ROR1: variants seen among roughly 807,000 people sequenced by gnomAD.
ROR1 encodes the protein ROR family WNT receptor 1, also known as inactive tyrosine-protein kinase transmembrane receptor ROR1.
In ROR1, 19 loss-of-function variants were observed where a neutral mutation model predicts 78.8. The observed-to-expected ratio is 0.24, with a 90% CI of 0.17 to 0.35. The LOEUF is 0.35. ROR1 is among the 10% of genes least tolerant of loss of function. ROR1 has a pLI of 1.00. For missense variants in ROR1, 917 were observed against 1,177.8 expected, an observed-to-expected ratio of 0.78 and a Z score of 3.24; for synonymous variants, 386 against 433.6, an observed-to-expected ratio of 0.89 and a Z score of 1.36.
At chr1:64,167,790 A>G (rs1483492079) in intron 8 of ROR1, among the ~76,000 whole-genome samples, 1 of 152,218 alleles carries the variant, frequency 6.6e-6, no homozygotes, top group African/African-American at 2.4e-5. Flanking sequence ...ATCCCAGTCA[A>G]CTAGCTAGCA....
chr1:63,798,507 A>C (rs988858249), intron 1 of ROR1, among the ~76,000 whole-genome samples: 1 of 152,170 alleles, frequency 6.6e-6, no homozygotes, highest in Non-Finnish European at 1.5e-5. Context: ...GCCAGGCAGC[A>C]TGCAGTCCGC....
intron 1 of ROR1, among the ~76,000 whole-genome samples, chr1:63,982,126 C>T (rs1019186141): frequency 6.6e-6 from 1 of 152,010 alleles, no homozygotes; most frequent in African/African-American, 2.4e-5. Context: ...TTATTATCCC[C>T]AATTGGCAGA....
chr1:64,164,628 A>C (rs1472938847), intron 8 of ROR1, among the ~76,000 whole-genome samples: 3 of 152,194 alleles, frequency 2.0e-5, no homozygotes, highest in Admixed American at 6.5e-5. Flanking sequence ...GTTAAGGTGT[A>C]CAAGGGCAGG....
At chr1:63,825,870 A>G (rs966796242) in intron 1 of ROR1, among the ~76,000 whole-genome samples, 2 of 152,194 alleles carry the variant, frequency 1.3e-5, no homozygotes, top group African/African-American at 2.4e-5. Flanking sequence ...ATTCAGAGGA[A>G]TGAATCCCAA....
At chr1:64,056,568 C>T (rs1301269505) in intron 4 of ROR1, among the ~76,000 whole-genome samples, 2 of 151,082 alleles carry the variant, frequency 1.3e-5, no homozygotes, top group East Asian at 2.0e-4. Context: ...CCCAGCTACT[C>T]GAGAGGCTGA....
chr1:64,161,014 T>A (rs1649928127), intron 8 of ROR1, among the ~76,000 whole-genome samples: 1 of 152,244 alleles, frequency 6.6e-6, no homozygotes, highest in Admixed American at 6.5e-5. Flanking sequence ...ACATTTTTAG[T>A]GGAGGTTTGT....
chr1:63,798,351 AGTAG>A (rs1644774242), intron 1 of ROR1, among the ~76,000 whole-genome samples: 1 of 152,142 alleles, frequency 6.6e-6, no homozygotes. Flanking sequence ...CATCAACTTA[AGTAG>A]GTACTCTTGG....
intron 1 of ROR1, chr1:63,843,811 A>G (rs1208583521): frequency 1.3e-5 from 4 of 318,522 alleles, no homozygotes; most frequent in South Asian, 3.0e-5. Flanking sequence ...CACATTGCTC[A>G]TAGGAAGATT....
At chr1:63,934,904 A>G (rs1365262101) in intron 1 of ROR1, among the ~76,000 whole-genome samples, 1 of 151,770 alleles carries the variant, frequency 6.6e-6, no homozygotes, top group Non-Finnish European at 1.5e-5. Flanking sequence ...ATTGTAAATT[A>G]TTTTTTCAAA....
intron 4 of ROR1, among the ~76,000 whole-genome samples, chr1:64,082,197 G>A (rs998065341): frequency 1.3e-5 from 2 of 152,162 alleles, no homozygotes; most frequent in Non-Finnish European, 2.9e-5. Context: ...GGGAATGGAT[G>A]AGGAAGACAA....
chr1:63,819,876 G>A (rs149224628), intron 1 of ROR1, among the ~76,000 whole-genome samples: 211 of 152,226 alleles, frequency 1.4e-3, no homozygotes, highest in African/African-American at 4.9e-3. Context: ...AGTACTTGGC[G>A]ATAAAAGATA....
intron 1 of ROR1, among the ~76,000 whole-genome samples, chr1:63,989,448 C>A (rs1194810099): frequency 2.0e-5 from 3 of 151,966 alleles, no homozygotes; most frequent in Non-Finnish European, 1.5e-5. Context: ...ATTGATTAGT[C>A]CATTAAATTT....
intron 2 of ROR1, among the ~76,000 whole-genome samples, chr1:64,042,417 G>A (rs1646751951): frequency 6.6e-6 from 1 of 152,170 alleles, no homozygotes; most frequent in African/African-American, 2.4e-5. Flanking sequence ...ATCACAGCAA[G>A]TAAAAGGTGA....
chr1:64,027,653 T>A (rs1381809139), intron 2 of ROR1, among the ~76,000 whole-genome samples: 2 of 152,152 alleles, frequency 1.3e-5, no homozygotes, highest in Admixed American at 1.3e-4. Flanking sequence ...TGCATGCTCA[T>A]AACATCCCAA....
chr1:63,783,148 G>A (rs1178251182), intron 1 of ROR1, among the ~76,000 whole-genome samples: 1 of 152,166 alleles, frequency 6.6e-6, no homozygotes, highest in Non-Finnish European at 1.5e-5. Context: ...GGGGATGGGA[G>A]AGTGAAGAAA....
chr1:64,066,317 A>C (rs904138995), intron 4 of ROR1, among the ~76,000 whole-genome samples: 8 of 138,878 alleles, frequency 5.8e-5, no homozygotes, highest in Admixed American at 4.9e-4. Context: ...TTTTAAACTC[A>C]CTTTTTTTTT....
chr1:63,859,068 C>T (rs1281917701), intron 1 of ROR1, among the ~76,000 whole-genome samples: 1 of 152,168 alleles, frequency 6.6e-6, no homozygotes, highest in African/African-American at 2.4e-5. Context: ...TGTGTGCTGA[C>T]CCATGTCATG....
rs191965867 is a variant in ROR1, at chr1:64,052,497, A to C, written c.482+1781A>C. Among the ~76,000 whole-genome samples, 29 of 152,170 alleles carry C rather than the reference A, an allele frequency of 1.9e-4. 1 individual carries two copies. The East Asian group carries it at 5.0e-3, about 26-fold the overall frequency. ...CTTCTATGTTCTTCTTGAAGTTTTC[A>C]TTCTTCACTGCTGTCCTTCTGATGA... On this transcript the variant is annotated intron_variant, in intron 4 of 8. Coordinates refer to ENST00000371079, the MANE Select transcript of ROR1 (RefSeq NM_005012.4).
At chr1:63,863,153 C>CT (rs1158250480) in intron 1 of ROR1, among the ~76,000 whole-genome samples, 1 of 152,190 alleles carries the variant, frequency 6.6e-6, no homozygotes, top group Non-Finnish European at 1.5e-5. Flanking sequence ...CTTGGGTCAT[C>CT]TTTCAGTGAA....
Sources: gnomAD v4.1 joint callset for allele counts (sites outside exome capture counted in the v4.1 genomes callset) on GRCh38, gnomAD v4.1.1 for gene constraint, MANE v1.5 for transcripts, NCBI Gene and HGNC (gene_info 2026-07-23, HGNC 2026-07-21) for gene names.